The following AKAP6 variants were observed in gnomAD, a reference collection of about 807,000 sequenced individuals.
AKAP6 encodes A-kinase anchoring protein 6.
A neutral mutation model predicts 188.5 loss-of-function variants in AKAP6; 58 were observed. The ratio of observed to expected loss-of-function variants is 0.31; its 90% CI spans 0.25 to 0.38. AKAP6 has a LOEUF of 0.38. Ranked by LOEUF, AKAP6 falls within the 10% of genes least tolerant of loss-of-function variation. The pLI is 1.00. For synonymous variants in AKAP6, 989 were observed against 998.6 expected, an observed-to-expected ratio of 0.99 and a Z score of 0.18; for missense variants, 2,710 against 2,740.0, an observed-to-expected ratio of 0.99 and a Z score of 0.24.
chr14:32,542,541 A>T (rs1265092071), intron 3 of AKAP6, among the ~76,000 whole-genome samples: 1 of 152,226 alleles, frequency 6.6e-6, no homozygotes, highest in African/African-American at 2.4e-5. Context: ...TCTGACTTAC[A>T]TGTGGATCTG....
intron 7 of AKAP6, among the ~76,000 whole-genome samples, chr14:32,667,294 A>G (rs1019440786): frequency 4.6e-5 from 7 of 152,104 alleles, no homozygotes; most frequent in Non-Finnish European, 1.0e-4. Context: ...TACCTTTTCC[A>G]AGGGAGTAAT....
chr14:32,647,747 A>G (rs765957574), intron 7 of AKAP6, among the ~76,000 whole-genome samples: 1 of 152,112 alleles, frequency 6.6e-6, no homozygotes, highest in Non-Finnish European at 1.5e-5. Context: ...GAGCAATTGA[A>G]ACACAGGACT....
chr14:32,420,857 TG>T (rs1889817757), intron 1 of AKAP6, among the ~76,000 whole-genome samples: 1 of 151,776 alleles, frequency 6.6e-6, no homozygotes, highest in South Asian at 2.1e-4. Flanking sequence ...TCCTTTGTTT[TG>T]GCAGAGCATA....
intron 12 of AKAP6, among the ~76,000 whole-genome samples, chr14:32,814,516 A>T (rs530479761): frequency 6.6e-6 from 1 of 152,142 alleles, no homozygotes; most frequent in Non-Finnish European, 1.5e-5. Context: ...TGACTTTATT[A>T]TGTCTGGCTT....
chr14:32,559,101 A>G (rs888818285), intron 4 of AKAP6, among the ~76,000 whole-genome samples: 2 of 152,240 alleles, frequency 1.3e-5, no homozygotes, highest in African/African-American at 4.8e-5. Context: ...CACAAAATCA[A>G]TACTATTGAA....
At chr14:32,459,622 C>T (rs6571521) in intron 2 of AKAP6, among the ~76,000 whole-genome samples, 52,322 of 148,098 alleles carry the variant, frequency 0.35, 13,454 homozygotes, top group African/African-American at 0.73. Context: ...GTAAAAATCA[C>T]TGGATTACAA....
At chr14:32,441,829 T>C (rs1402822816) in intron 2 of AKAP6, among the ~76,000 whole-genome samples, 1 of 152,202 alleles carries the variant, frequency 6.6e-6, no homozygotes, top group Non-Finnish European at 1.5e-5. Flanking sequence ...GGTTTTACAA[T>C]TTGAAAGAAA....
At chr14:32,551,568 T>C (rs1883465224) in intron 4 of AKAP6, among the ~76,000 whole-genome samples, 1 of 132,172 alleles carries the variant, frequency 7.6e-6, no homozygotes, top group African/African-American at 2.9e-5. Flanking sequence ...CAAGACTTGG[T>C]CTCAAAAAAA....
chr14:32,719,964 A>G (rs911569061), intron 9 of AKAP6, among the ~76,000 whole-genome samples: 31 of 152,178 alleles, frequency 2.0e-4, no homozygotes, highest in African/African-American at 7.5e-4. Flanking sequence ...ATAAATCTAT[A>G]TTTGAAATGG....
intron 12 of AKAP6, among the ~76,000 whole-genome samples, chr14:32,780,157 C>CATATATATATATATATATATATATATAT (rs59506546): frequency 0.012 from 1,408 of 117,964 alleles, 41 homozygotes; most frequent in Middle Eastern, 0.021. Flanking sequence ...AAAAAAAAAA[C>CATATATATATATATATATATATATATAT]ATATATATAT....
chr14:32,577,236 A>C lies in AKAP6; in HGVS notation c.2463A>C (p.Thr821=), dbSNP rs762532248. The part of the protein sequence containing the change: ...EMDDLKLYLE[T]HLSFKLNVDS... Reference sequence around the variant, plus strand: ...ATGACCTTAAACTGTATCTGGAGACACACTTGGTAGGCAAGATTGTGTTGT... The same window carrying C: ...ATGACCTTAAACTGTATCTGGAGACCCACTTGGTAGGCAAGATTGTGTTGT... Residue 821 remains threonine (T), a synonymous_variant, in exon 5 of 14, where the codon ACA becomes ACC. Coordinates refer to ENST00000280979, the MANE Select transcript of AKAP6 (RefSeq NM_004274.5). The C allele has an allele frequency of 6.2e-7, 1 of 1,609,406 alleles. No individual in the cohort carries two copies. Among genetic ancestry groups the C allele is most frequent in the South Asian group, 1.1e-5 (1 of 89,754 alleles).
At chr14:32,759,067 G>T (rs2032447410) in intron 11 of AKAP6, among the ~76,000 whole-genome samples, 1 of 152,064 alleles carries the variant, frequency 6.6e-6, no homozygotes. Context: ...TCTCAGAGAG[G>T]GCGGAGACAT....
At chr14:32,765,913 T>C (rs2032704398) in intron 11 of AKAP6, among the ~76,000 whole-genome samples, 1 of 152,158 alleles carries the variant, frequency 6.6e-6, no homozygotes, top group Admixed American at 6.5e-5. Context: ...AGAGGTTTTC[T>C]TAAAATAATA....
chr14:32,672,664 T>C (rs776186655), intron 7 of AKAP6, among the ~76,000 whole-genome samples: 6 of 152,068 alleles, frequency 3.9e-5, no homozygotes, highest in Non-Finnish European at 8.8e-5. Flanking sequence ...GGCTTCAACA[T>C]AGGAATTTGG....
intron 5 of AKAP6, among the ~76,000 whole-genome samples, chr14:32,590,254 G>A (rs1306658328): frequency 7.0e-6 from 1 of 142,752 alleles, no homozygotes; most frequent in Non-Finnish European, 1.5e-5. Flanking sequence ...CTGTTCTCTT[G>A]ATGCTGTCAC....
chr14:32,579,182 G>A (rs188174808), intron 5 of AKAP6, among the ~76,000 whole-genome samples: 2 of 152,080 alleles, frequency 1.3e-5, no homozygotes, highest in Admixed American at 6.5e-5. Flanking sequence ...TGACCGTAAC[G>A]AACGGCAATA....
intron 1 of AKAP6, among the ~76,000 whole-genome samples, chr14:32,347,908 C>T (rs973284485): frequency 6.6e-6 from 1 of 152,228 alleles, no homozygotes; most frequent in African/African-American, 2.4e-5. Flanking sequence ...ATTTATGAGG[C>T]TTTGCTTAGA....
At chr14:32,469,567 T>G (rs1364806313) in intron 2 of AKAP6, among the ~76,000 whole-genome samples, 1 of 152,158 alleles carries the variant, frequency 6.6e-6, no homozygotes, top group Non-Finnish European at 1.5e-5. Flanking sequence ...GAAAAGTACT[T>G]GCTGTACATT....
rs1052542313 is a variant in AKAP6 at position 32,433,531 on chromosome 14, C to T, written c.38C>T (p.Ser13Leu). The T allele has an allele frequency of 1.2e-5, 20 of 1,613,976 alleles. No homozygotes were observed. The highest frequency in any genetic ancestry group is 1.6e-5 in the Non-Finnish European group (19 of 1,180,022). ...TMSVTLSPLR[S>L]QDLDPMATDA... is the part of the protein sequence containing the mutation. ...AGCGTGACACTTTCCCCCCTGAGGT[C>T]ACAGGACCTGGATCCCATGGCTACT... Residue 13 changes from serine to leucine, a missense_variant, in exon 2 of 14, where the codon TCA becomes TTA. By Grantham distance (145) the Ser-to-Leu change is moderately radical. This residue lies in a region of AKAP6 where 237 missense variants were observed against 313.9 expected (regional missense o/e 0.76). Transcript: ENST00000280979.
Sources: gnomAD v4.1 joint callset for allele counts (sites outside exome capture counted in the v4.1 genomes callset) on GRCh38, gnomAD v4.1.1 for gene constraint, gnomAD v4.1.1 regional missense constraint, MANE v1.5 for transcripts, NCBI Gene and HGNC (gene_info 2026-07-23, HGNC 2026-07-21) for gene names.